The following ADAM10 variants were observed in gnomAD, a reference collection of about 807,000 sequenced individuals.
The protein encoded by ADAM10 is disintegrin and metalloproteinase domain-containing protein 10.
A neutral mutation model predicts 90.1 loss-of-function variants in ADAM10; 17 were observed. The ratio of observed to expected loss-of-function variants is 0.19; its 90% CI spans 0.13 to 0.28. The LOEUF (loss-of-function observed/expected upper bound fraction) is 0.28. Among genes scored for constraint, ADAM10 ranks in the 10% least tolerant of loss-of-function variants. ADAM10 has a pLI of 1.00. For missense variants in ADAM10, 610 were observed against 914.3 expected (o/e 0.67, Z 4.29); for synonymous variants, 310 against 298.6 (o/e 1.04, Z -0.40).
chr15:58,684,733 A>G (rs753172112), intron 2 of ADAM10, among the ~76,000 whole-genome samples: 1 of 152,204 alleles, frequency 6.6e-6, no homozygotes, highest in African/African-American at 2.4e-5. Flanking sequence ...AAATTATCTA[A>G]CCTTAGGAGG....
chr15:58,677,213 A>G (rs1897319546), intron 4 of ADAM10, among the ~76,000 whole-genome samples: 2 of 152,178 alleles, frequency 1.3e-5, no homozygotes, highest in Admixed American at 1.3e-4. Flanking sequence ...CTACAAATAA[A>G]ATCACCTTAA....
At chr15:58,605,806 C>T (rs554435340) in intron 14 of ADAM10, among the ~76,000 whole-genome samples, 10 of 152,130 alleles carry the variant, frequency 6.6e-5, no homozygotes, top group Admixed American at 6.5e-4. Context: ...ATGTTCAATA[C>T]AGGCACTTAA....
intron 1 of ADAM10, among the ~76,000 whole-genome samples, chr15:58,724,919 G>A (rs547749754): frequency 3.0e-4 from 45 of 152,236 alleles, no homozygotes; most frequent in African/African-American, 9.6e-4. Context: ...GCCTGGGCAC[G>A]GTGGTTCATA....
In ADAM10 at chr15:58,588,948, T is replaced by A. The variant is rs1200733480; in HGVS notation, c.*8599A>T. The stretch of plus-strand genomic sequence containing the variant: ...CATGGTCGGTATGTTTCATATTCTA[T>A]AAATACAGTGCATATTAGATTTTGA... On this transcript the variant is annotated 3_prime_UTR_variant, in exon 16 of 16. Transcript: ENST00000260408. 1 of 152,210 alleles carries A rather than the reference T, an allele frequency of 6.6e-6. No homozygotes were observed. Among genetic ancestry groups the A allele is most frequent in the Non-Finnish European group, 1.5e-5 (1 of 68,034 alleles). The allele number at this position is 152,210 out of a possible 1,614,324, so 9.4% of individuals were successfully genotyped here. A position where few individuals can be genotyped will look rare whatever the true frequency, so the allele number is the denominator to read the frequency against.
At chr15:58,604,153 G>A (rs1279734840) in intron 14 of ADAM10, among the ~76,000 whole-genome samples, 1 of 152,092 alleles carries the variant, frequency 6.6e-6, no homozygotes, top group African/African-American at 2.4e-5. Context: ...CCTGAGGTCA[G>A]GTGTTCAAGA....
intron 11 of ADAM10, among the ~76,000 whole-genome samples, chr15:58,617,897 C>CAA (rs75681109): frequency 3.5e-4 from 29 of 82,992 alleles, no homozygotes; most frequent in African/African-American, 7.4e-4. Context: ...CTGAACAAGT[C>CAA]AAAAAAAAAA....
intron 9 of ADAM10, among the ~76,000 whole-genome samples, chr15:58,630,431 C>A (rs1896071671): frequency 6.6e-6 from 1 of 152,080 alleles, no homozygotes; most frequent in South Asian, 2.1e-4. Context: ...TTATCAAACA[C>A]CCCAAACATT....
chr15:58,733,610 A>G (rs1899329746), intron 1 of ADAM10, among the ~76,000 whole-genome samples: 1 of 152,172 alleles, frequency 6.6e-6, no homozygotes, highest in African/African-American at 2.4e-5. Context: ...AAGGGACTTG[A>G]GCATTCATGG....
intron 2 of ADAM10, among the ~76,000 whole-genome samples, chr15:58,697,151 C>A (rs918676920): frequency 6.6e-6 from 1 of 152,206 alleles, no homozygotes; most frequent in Non-Finnish European, 1.5e-5. Context: ...CTCCTGCTGG[C>A]TGCTGCCACT....
chr15:58,641,507 A>T (rs1431572210), intron 7 of ADAM10, among the ~76,000 whole-genome samples: 2 of 151,212 alleles, frequency 1.3e-5, no homozygotes. Context: ...CTGCAAATTT[A>T]TTTTTTTTTC....
At chr15:58,598,457 C>T (rs1439291554) in intron 15 of ADAM10, among the ~76,000 whole-genome samples, 1 of 152,156 alleles carries the variant, frequency 6.6e-6, no homozygotes, top group Non-Finnish European at 1.5e-5. Context: ...AGATACTGTC[C>T]TAGCATGACT....
chr15:58,599,866 G>C, intron 14 of ADAM10, 142 bp from the exon 15 acceptor site: 1 of 736,202 alleles, frequency 1.4e-6, no homozygotes, highest in Non-Finnish European at 2.1e-6. Flanking sequence ...GTATACATAT[G>C]TTAGATATTT....
At chr15:58,610,964 C>T (rs1895422249) in intron 13 of ADAM10, 35 bp downstream of exon 13, 1 of 1,520,944 alleles carries the variant, frequency 6.6e-7, no homozygotes, top group Admixed American at 1.7e-5. Context: ...TAGTTTGAGG[C>T]AAATTTTATA....
At chr15:58,608,874 C>T (rs1457573141) in intron 14 of ADAM10, among the ~76,000 whole-genome samples, 2 of 151,766 alleles carry the variant, frequency 1.3e-5, no homozygotes, top group Admixed American at 6.6e-5. Flanking sequence ...ACTTAGTACC[C>T]CAAAAATCTA....
At chr15:58,702,302 T>G (rs1163742758) in intron 2 of ADAM10, among the ~76,000 whole-genome samples, 1 of 151,678 alleles carries the variant, frequency 6.6e-6, no homozygotes. Flanking sequence ...CAAGGGTGAG[T>G]GGGTGGGGCT....
At chr15:58,606,138 G>A (rs1425676905) in intron 14 of ADAM10, among the ~76,000 whole-genome samples, 1 of 152,164 alleles carries the variant, frequency 6.6e-6, no homozygotes, top group Admixed American at 6.5e-5. Context: ...TGGGTCACAA[G>A]ACCATGTGGG....
chr15:58,627,234 A>C (rs2140665845), intron 10 of ADAM10, among the ~76,000 whole-genome samples: 1 of 152,306 alleles, frequency 6.6e-6, no homozygotes, highest in South Asian at 2.1e-4. Context: ...GAGTGAAATA[A>C]ATCAGATAGT....
chr15:58,710,746 A>AT (rs1185351687), intron 2 of ADAM10, among the ~76,000 whole-genome samples: 1 of 152,192 alleles, frequency 6.6e-6, no homozygotes, highest in Non-Finnish European at 1.5e-5. Flanking sequence ...TTAAACATCT[A>AT]TAACAATAGT....
chr15:58,735,383 T>G (rs905889487), intron 1 of ADAM10, among the ~76,000 whole-genome samples: 1 of 152,154 alleles, frequency 6.6e-6, no homozygotes, highest in Non-Finnish European at 1.5e-5. Context: ...ATTCCTAATT[T>G]TATCCCTCCT....
Sources: gnomAD v4.1 joint callset for allele counts (sites outside exome capture counted in the v4.1 genomes callset) on GRCh38, gnomAD v4.1.1 for gene constraint, MANE v1.5 for transcripts, NCBI Gene and HGNC (gene_info 2026-07-23, HGNC 2026-07-21) for gene names.